The following CELF4 variants were observed in gnomAD, a reference collection of about 807,000 sequenced individuals.
The protein encoded by CELF4 is CUGBP Elav-like family member 4.
Under a neutral mutation model 59.9 loss-of-function variants are expected in CELF4, and 18 were observed. The ratio of observed to expected loss-of-function variants is 0.30; its 90% confidence interval spans 0.21 to 0.45. The LOEUF (loss-of-function observed/expected upper bound fraction) is 0.45, where lower values mean the gene tolerates loss of function less well. CELF4 is among the 20% of genes least tolerant of loss of function. The probability of loss-of-function intolerance (pLI) is 1.00; values close to 1 mark genes in which losing one functional copy is unlikely to be tolerated. For missense variants in CELF4, 456 were observed against 689.0 expected (o/e 0.66, Z 3.79); for synonymous variants, 261 against 267.1 (o/e 0.98, Z 0.22).
intron 2 of CELF4, among the ~76,000 whole-genome samples, chr18:37,375,615 C>T (rs540783377): frequency 6.6e-6 from 1 of 152,260 alleles, no homozygotes; most frequent in South Asian, 2.1e-4. Context: ...GAAACTGAGG[C>T]CCAGAGAAGG....
chr18:37,359,248 G>A (rs1489314415), intron 2 of CELF4, among the ~76,000 whole-genome samples: 2 of 152,238 alleles, frequency 1.3e-5, no homozygotes, highest in African/African-American at 4.8e-5. Flanking sequence ...GAGGATCTCA[G>A]AGGTGCCAAA....
At chr18:37,321,093 G>A (rs903617329) in intron 3 of CELF4, among the ~76,000 whole-genome samples, 10 of 152,152 alleles carry the variant, frequency 6.6e-5, no homozygotes, top group African/African-American at 2.2e-4. Context: ...GATGGGGGGG[G>A]CAGTACAGAC....
rs114216049 is a variant in CELF4, at chr18:37,279,462, T to C, written c.449-4219A>G. 6.6e-3 allele frequency among the ~76,000 whole-genome samples: 998 copies of C among 152,294 alleles called. 24 individuals carry two copies. The highest frequency in any genetic ancestry group is 0.023 in the African/African-American group (941 of 41,564). On this transcript the variant is annotated intron_variant, in intron 3 of 12. Transcript: ENST00000420428. ...GTGAGCACAACAAAATCCGCTGACC[T>C]GAGCTGCGGGGACTGAGGCCTCACG...
chr18:37,319,996 G>T (rs649823), intron 3 of CELF4, among the ~76,000 whole-genome samples: 2 of 152,168 alleles, frequency 1.3e-5, no homozygotes, highest in East Asian at 2.0e-4. Context: ...GGTAGGCTGG[G>T]GCCACCTTGG....
intron 3 of CELF4, among the ~76,000 whole-genome samples, chr18:37,277,357 G>A (rs1487642166): frequency 6.6e-6 from 1 of 152,188 alleles, no homozygotes; most frequent in African/African-American, 2.4e-5. Context: ...TGCTCTTCTG[G>A]CTCCTTTGGC....
intron 1 of CELF4, among the ~76,000 whole-genome samples, chr18:37,522,364 C>T (rs1466710025): frequency 6.6e-6 from 1 of 152,078 alleles, no homozygotes; most frequent in Non-Finnish European, 1.5e-5. Flanking sequence ...CATGCATCTC[C>T]CTGCGGCCCG....
At chr18:37,396,410 T>C (rs780150125) in intron 2 of CELF4, among the ~76,000 whole-genome samples, 1 of 152,198 alleles carries the variant, frequency 6.6e-6, no homozygotes, top group Non-Finnish European at 1.5e-5. Flanking sequence ...TTTTTGGCTA[T>C]TGAAAACATG....
intron 3 of CELF4, among the ~76,000 whole-genome samples, chr18:37,303,657 C>T (rs1463788935): frequency 2.0e-5 from 3 of 152,186 alleles, no homozygotes; most frequent in Non-Finnish European, 4.4e-5. Flanking sequence ...ACTGCTGGCT[C>T]TCCAGGTCCC....
At chr18:37,555,008 C>T (rs186166132) in intron 1 of CELF4, among the ~76,000 whole-genome samples, 2 of 152,292 alleles carry the variant, frequency 1.3e-5, no homozygotes, top group Non-Finnish European at 2.9e-5. Context: ...CCCTGAGTCC[C>T]TGGCTCTGCT....
chr18:37,473,685 G>A (rs2099840596), intron 2 of CELF4: 2 of 152,306 alleles, frequency 1.3e-5, no homozygotes, highest in South Asian at 4.1e-4. Context: ...GATCTAAGCT[G>A]AAGGCAAATG....
chr18:37,329,678 A>G (rs918693734), intron 2 of CELF4, among the ~76,000 whole-genome samples: 1 of 152,212 alleles, frequency 6.6e-6, no homozygotes, highest in African/African-American at 2.4e-5. Flanking sequence ...ACATGGGTGG[A>G]CCTGGCAGGT....
At chr18:37,275,597 G>GAC in intron 3 of CELF4, 1 of 274,898 alleles carries the variant, frequency 3.6e-6, no homozygotes, top group Non-Finnish European at 7.0e-6. Flanking sequence ...GAGCACACGG[G>GAC]CAGCCTGCGT....
intron 1 of CELF4, among the ~76,000 whole-genome samples, chr18:37,558,427 CT>C (rs2099985520): frequency 7.1e-6 from 1 of 141,524 alleles, no homozygotes; most frequent in Non-Finnish European, 1.5e-5. Flanking sequence ...TTTAACTTCT[CT>C]TATGTTGCCG....
intron 2 of CELF4, among the ~76,000 whole-genome samples, chr18:37,431,398 T>C (rs528111814): frequency 2.5e-3 from 372 of 148,460 alleles, no homozygotes; most frequent in African/African-American, 8.7e-3. Context: ...GATGGAGTCT[T>C]GTTCTGTCGC....
intron 2 of CELF4, among the ~76,000 whole-genome samples, chr18:37,376,176 A>G (rs555048775): frequency 1.1e-4 from 17 of 152,144 alleles, no homozygotes; most frequent in African/African-American, 3.4e-4. Context: ...CCCTTTCTCA[A>G]TAAGGGCAGT....
chr18:37,471,476 G>T (rs1174214583), intron 2 of CELF4, among the ~76,000 whole-genome samples: 1 of 151,976 alleles, frequency 6.6e-6, no homozygotes, highest in South Asian at 2.1e-4. Context: ...TCCAGCCAGC[G>T]CCCCCTGTCC....
intron 2 of CELF4, among the ~76,000 whole-genome samples, chr18:37,426,898 C>G (rs1255086885): frequency 1.3e-5 from 2 of 151,198 alleles, no homozygotes; most frequent in Admixed American, 1.3e-4. Flanking sequence ...TTGGCTCTCC[C>G]GAAAAGCGAT....
At chr18:37,310,909 G>A (rs984143666) in intron 3 of CELF4, among the ~76,000 whole-genome samples, 3 of 152,138 alleles carry the variant, frequency 2.0e-5, no homozygotes, top group South Asian at 2.1e-4. Context: ...CATAGTGGCC[G>A]GGCCAGACGG....
At chr18:37,351,387 G>A (rs1008336834) in intron 2 of CELF4, among the ~76,000 whole-genome samples, 2 of 152,090 alleles carry the variant, frequency 1.3e-5, no homozygotes, top group South Asian at 2.1e-4. Flanking sequence ...CTCTCCTCCT[G>A]CGTGCCTGTT....
Sources: allele counts gnomAD v4.1 joint callset (sites outside exome capture counted in the v4.1 genomes callset), GRCh38; gene constraint gnomAD v4.1.1; transcripts MANE v1.5; gene names NCBI Gene and HGNC (gene_info 2026-07-23, HGNC 2026-07-21).